Variants in ADAMTS2 observed in about 807,000 individuals in gnomAD.
ADAMTS2 encodes A disintegrin and metalloproteinase with thrombospondin motifs 2.
In ADAMTS2, 50 loss-of-function variants were observed where a neutral mutation model predicts 123.0. That is an observed-to-expected ratio of 0.41 (90% CI 0.32 to 0.51). The LOEUF is 0.51. Ranked by LOEUF, ADAMTS2 falls within the 20% of genes least tolerant of loss-of-function variation. The probability of loss-of-function intolerance (pLI) is 0.35; values close to 1 mark genes in which losing one functional copy is unlikely to be tolerated. For missense variants in ADAMTS2, 1,494 were observed against 1,705.2 expected, an observed-to-expected ratio of 0.88 and a Z score of 2.18; for synonymous variants, 678 against 695.4, an observed-to-expected ratio of 0.98 and a Z score of 0.39.
rs908522880 is a variant in ADAMTS2 at position 179,224,604 on chromosome 5, G to A, written c.689-16889C>T. ...AGAAAAGCCATGTGGGCAGGGGGATGAGAGGGCACACTGCCTCCAGCCCAA... is the reference window on the plus strand; with the variant it reads ...AGAAAAGCCATGTGGGCAGGGGGATAAGAGGGCACACTGCCTCCAGCCCAA... On this transcript the variant is annotated intron_variant, in intron 3 of 21. Transcript: ENST00000251582. Among the ~76,000 whole-genome samples the A allele has an allele frequency of 5.9e-5, 9 of 152,256 alleles. 1 individual carries two copies.
Position 179,132,390 on chromosome 5 carries a change from G to T in ADAMTS2, c.2210-80C>A. The T allele has an allele frequency of 7.4e-7, 1 of 1,354,734 alleles. No homozygotes were observed. 83.9% of individuals were successfully genotyped at this position (1,354,734 alleles called of 1,614,324 possible). A position where few individuals can be genotyped will look rare whatever the true frequency, so the allele number is the denominator to read the frequency against. On this transcript the variant is annotated intron_variant, in intron 14 of 21. Coordinates refer to ENST00000251582, the MANE Select transcript of ADAMTS2 (RefSeq NM_014244.5). The surrounding 1 kb of genome is among the most constrained non-coding windows in gnomAD (Gnocchi z 6.1). The stretch of plus-strand genomic sequence containing the variant: ...TTCGCACCATGCAAGGAGGGGCCTC[G>T]CTCTTGAAGGCAGCTCCTCCGGAGG...
chr5:179,345,446 GC>G lies in ADAMTS2; in HGVS notation c.-119del, dbSNP rs1757926620. On this transcript the variant is annotated 5_prime_UTR_variant, in exon 1 of 22. Coordinates refer to ENST00000251582, the MANE Select transcript of ADAMTS2 (RefSeq NM_014244.5). This position sits in a 1 kb window ranked among gnomAD's most constrained non-coding sequence, Gnocchi z 7.5. ...GCCCGCAGCTGCAGCACCGCAGGGC[GC>G]GGGGCGGAGGAGGCGAGGCGCGGAG... The G allele has an allele frequency of 1.0e-6, 1 of 952,808 alleles. No individual in the cohort carries two copies. The highest frequency in any genetic ancestry group is 1.3e-6 in the Non-Finnish European group (1 of 783,692). The allele number at this position is 952,808 out of a possible 1,614,324, so 59.0% of individuals were successfully genotyped here.
At chr5:179,140,408 C>T (rs145305640) in intron 10 of ADAMTS2, among the ~76,000 whole-genome samples, 2 of 152,284 alleles carry the variant, frequency 1.3e-5, no homozygotes, top group East Asian at 3.9e-4. Context: ...CCAGTGACTG[C>T]AAGACATACA....
In ADAMTS2 at chr5:179,124,992, C is replaced by T. The variant is rs1441303816; in HGVS notation, c.2939G>A (p.Arg980Gln). 8.1e-6 allele frequency: 13 copies of T among 1,606,592 alleles called. No individual in the cohort carries two copies. Among genetic ancestry groups the T allele is most frequent in the African/African-American group, 2.7e-5 (2 of 74,110 alleles). ...CSRELCPGRWRAGPWSQCSVT... is the reference protein window; with the variant it reads ...CSRELCPGRWQAGPWSQCSVT... ...GCGTACCTGGGACCAGGGCCCGGCT[C>T]GCCAACGACCAGGGCAGAGCTCGCG... Residue 980 changes from arginine (R) to glutamine (Q), a missense_variant, in exon 19 of 22, where the codon CGA becomes CAA. Physicochemically the swap from Arg to Gln is conservative, Grantham distance 43. This residue lies in a region of ADAMTS2 where 953 missense variants were observed against 1,124.7 expected (regional missense o/e 0.85). Transcript: ENST00000251582.
rs1034912760 is a variant in ADAMTS2, at chr5:179,189,636, C to T, written c.892-8481G>A. On this transcript the variant is annotated intron_variant, in intron 4 of 21. Coordinates refer to ENST00000251582, the MANE Select transcript of ADAMTS2 (RefSeq NM_014244.5). The surrounding 1 kb of genome is among the most constrained non-coding windows in gnomAD (Gnocchi z 4.2). ...CCTCCCAAAGTGCTGGGATTACAGG[C>T]GTGAGCCACCGCGCCCGGCCAGGAG... 2.0e-5 allele frequency among the ~76,000 whole-genome samples: 3 copies of T among 147,968 alleles called. No individual in the cohort carries two copies. The highest frequency in any genetic ancestry group is 2.0e-4 in the East Asian group (1 of 4,908).
chr5:179,194,903 T>C lies in ADAMTS2; in HGVS notation c.891+12610A>G, dbSNP rs193145294. 1.3e-3 allele frequency among the ~76,000 whole-genome samples: 193 copies of C among 152,272 alleles called. 1 individual carries two copies. Among genetic ancestry groups the C allele is most frequent in the South Asian group, 4.8e-3 (23 of 4,824 alleles). On this transcript the variant is annotated intron_variant, in intron 4 of 21. Transcript: ENST00000251582. ...CCTAAGAGAGAGGAGTCTATCTTTG[T>C]AGACCACAAATCAACCTCGCTCCCG...
chr5:179,165,383 G>T (rs76993486), intron 5 of ADAMTS2, among the ~76,000 whole-genome samples: 3,969 of 152,308 alleles, frequency 0.026, 162 homozygotes, highest in East Asian at 0.15. Context: ...CCACTGAGGA[G>T]TCTTTCACCA....
rs180803566 is a variant in ADAMTS2, at chr5:179,113,907, A to G, written c.3596T>C (p.Ile1199Thr). The stretch of plus-strand genomic sequence containing the variant: ...CATCTCTTTCTTCCGCATCTCATCA[A>G]TGAGCTCTTGGATTCTTTGGTTTCT... ...KTRNQRIQEL[I>T]DEMRKKEMLG... is the part of the protein sequence containing the mutation. The change falls in exon 22 of 22, where the codon ATT (isoleucine) becomes ACT (threonine). Residue 1199 changes from isoleucine to threonine, a missense_variant. Physicochemically the swap from Ile to Thr is moderately conservative, Grantham distance 89. Around this residue, in one of 6 missense-constraint regions of ADAMTS2, gnomAD observed 953 missense variants for 1,124.7 expected, o/e 0.85. Coordinates refer to ENST00000251582, the MANE Select transcript of ADAMTS2 (RefSeq NM_014244.5). 2 of 1,614,008 alleles carry G rather than the reference A, an allele frequency of 1.2e-6. No homozygotes were observed. The highest frequency in any genetic ancestry group is 2.2e-5 in the East Asian group (1 of 44,876).
rs138496623 is a variant in ADAMTS2 at position 179,161,136 on chromosome 5, G to A, written c.976-2257C>T. ...AATTGATACAGGAGGAAGGGAGTGG[G>A]TATCTGCATCACATCCAAGCCTGAC... is the stretch of plus-strand genomic sequence containing the variant. On this transcript the variant is annotated intron_variant, in intron 5 of 21. Coordinates refer to ENST00000251582, the MANE Select transcript of ADAMTS2 (RefSeq NM_014244.5). 2.0e-5 allele frequency among the ~76,000 whole-genome samples: 3 copies of A among 152,200 alleles called. No individual in the cohort carries two copies. The South Asian group carries it at 6.2e-4, about 31-fold the overall frequency.
At chr5:179,194,855 T>C (rs115948262) in intron 4 of ADAMTS2, among the ~76,000 whole-genome samples, 1,573 of 152,118 alleles carry the variant, frequency 0.01, 13 homozygotes, top group Non-Finnish European at 0.017. Flanking sequence ...TTTCCAAGGA[T>C]AGAAAGCATA....
chr5:179,125,296 T>C, intron 18 of ADAMTS2, 116 bp from the exon 19 acceptor site: 3 of 875,468 alleles, frequency 3.4e-6, no homozygotes, highest in Non-Finnish European at 3.7e-6. Context: ...GAGGGCAGCC[T>C]GCACCCCTCC....
chr5:179,318,609 G>A (rs899819612), intron 2 of ADAMTS2, among the ~76,000 whole-genome samples: 7 of 152,182 alleles, frequency 4.6e-5, no homozygotes, highest in Admixed American at 6.5e-5. Flanking sequence ...GTTAGAAGAC[G>A]ACAAGGGCCA....
At chr5:179,326,109 C>A (rs1422762420) in intron 2 of ADAMTS2, among the ~76,000 whole-genome samples, 1 of 152,180 alleles carries the variant, frequency 6.6e-6, no homozygotes, top group East Asian at 1.9e-4. Flanking sequence ...CCACGAGACT[C>A]TTCTCCCATT....
At chr5:179,326,658 C>T (rs909029411) in intron 2 of ADAMTS2, among the ~76,000 whole-genome samples, 2 of 152,138 alleles carry the variant, frequency 1.3e-5, no homozygotes, top group East Asian at 3.9e-4. Context: ...TCAGTGCTGG[C>T]CCTCGCTTCA....
chr5:179,321,892 T>C lies in ADAMTS2; in HGVS notation c.534+21875A>G, dbSNP rs1325937737. The stretch of plus-strand genomic sequence containing the variant: ...GCCCACAGACCCAAGTGCCTGGAGA[T>C]CCCGGCCTCTCCATGTTTCCTGAGT... On this transcript the variant is annotated intron_variant, in intron 2 of 21. Transcript: ENST00000251582. Among the ~76,000 whole-genome samples the C allele has an allele frequency of 3.3e-5, 5 of 152,256 alleles. No homozygotes were observed. The East Asian group carries it at 9.7e-4, about 29-fold the overall frequency.
chr5:179,345,316 C>A lies in ADAMTS2; in HGVS notation c.13G>T (p.Ala5Ser). 1 of 1,135,594 alleles carries A rather than the reference C, an allele frequency of 8.8e-7. No individual in the cohort carries two copies. The highest frequency in any genetic ancestry group is 4.5e-5 in the East Asian group (1 of 22,424). 70.3% of individuals were successfully genotyped at this position (1,135,594 alleles called of 1,614,324 possible). A position where few individuals can be genotyped will look rare whatever the true frequency, so the allele number is the denominator to read the frequency against. ...CAGAGCAGGCGGCGAGCGGCTCCCG[C>A]CGGCGGATCCATGGCAGCCGGACTG... The part of the protein sequence containing the change: MDPP[A>S]GAARRLLCPA... The change falls in exon 1 of 22, where the codon GCG becomes TCG. Residue 5 changes from alanine to serine, a missense_variant. Ala to Ser is a moderately conservative substitution (Grantham distance 99). Around this residue, in one of 6 missense-constraint regions of ADAMTS2, gnomAD observed 237 missense variants for 233.7 expected, o/e 1.01. Coordinates refer to ENST00000251582, the MANE Select transcript of ADAMTS2 (RefSeq NM_014244.5). The surrounding 1 kb of genome is among the most constrained non-coding windows in gnomAD (Gnocchi z 7.5).
chr5:179,223,241 C>T (rs779055167), intron 3 of ADAMTS2, among the ~76,000 whole-genome samples: 9 of 152,152 alleles, frequency 5.9e-5, no homozygotes, highest in Non-Finnish European at 1.0e-4. Flanking sequence ...CACACATGCA[C>T]GCAGTCACAT....
intron 2 of ADAMTS2, among the ~76,000 whole-genome samples, chr5:179,301,089 G>A (rs10464085): frequency 6.6e-6 from 1 of 151,608 alleles, no homozygotes; most frequent in East Asian, 1.9e-4. Context: ...GGTCCCAGCT[G>A]CAAGAACCGC....
chr5:179,292,161 G>A (rs1253744528), intron 2 of ADAMTS2, among the ~76,000 whole-genome samples: 1 of 152,004 alleles, frequency 6.6e-6, no homozygotes, highest in South Asian at 2.1e-4. Flanking sequence ...ACCTTCAAGG[G>A]AACAACGGAA....
Sources: allele counts gnomAD v4.1 joint callset (sites outside exome capture counted in the v4.1 genomes callset), GRCh38; gene constraint gnomAD v4.1.1; regional missense constraint gnomAD v4.1.1; non-coding constraint Gnocchi (gnomAD v3.1); transcripts MANE v1.5; gene names NCBI Gene and HGNC (gene_info 2026-07-23, HGNC 2026-07-21).